Variants in MNAT1 observed in about 807,000 individuals in gnomAD.
MNAT1 encodes MNAT1 component of CDK activating kinase, also known as CDK-activating kinase assembly factor MAT1.
Under a neutral mutation model 42.0 loss-of-function variants are expected in MNAT1, and 43 were observed. The observed-to-expected ratio is 1.02, with a 90% confidence interval of 0.80 to 1.32. The LOEUF (loss-of-function observed/expected upper bound fraction) is 1.32, where lower values mean the gene tolerates loss of function less well. MNAT1 is among the 40% of genes most tolerant of loss of function. The pLI is 0.00. For synonymous variants in MNAT1, 118 were observed against 120.0 expected (o/e 0.98, Z 0.11); for missense variants, 306 against 350.4 (o/e 0.87, Z 1.01).
rs928392208 is a variant in MNAT1 at position 60,846,114 on chromosome 14, C to T, written c.687+27267C>T. Among the ~76,000 whole-genome samples the T allele has an allele frequency of 2.3e-4, 35 of 151,680 alleles. No individual in the cohort carries two copies. In the Middle Eastern group the frequency reaches 0.01, roughly 44 times the overall value. ...CGTTTCTTTTTCCTTCCTCTCTTTT[C>T]CCTCCCTCTCTTCCTTTCCTCCCCT... On this transcript the variant is annotated intron_variant, in intron 6 of 7. Transcript: ENST00000261245.
rs532125481 is a variant in MNAT1, at chr14:60,957,781, G to A, written c.810-10448G>A. Among the ~76,000 whole-genome samples the A allele has an allele frequency of 2.0e-5, 3 of 152,112 alleles. No individual in the cohort carries two copies. The East Asian group carries it at 5.8e-4, about 29-fold the overall frequency. ...AAGTAATTTACACACTACCAGTACA[G>A]TGTTAGGGTATTCTGAATTTGACTA... On this transcript the variant is annotated intron_variant, in intron 7 of 7. Coordinates refer to ENST00000261245, the MANE Select transcript of MNAT1 (RefSeq NM_002431.4).
intron 6 of MNAT1, among the ~76,000 whole-genome samples, chr14:60,819,205 C>T (rs2032807839): frequency 6.6e-6 from 1 of 152,048 alleles, no homozygotes; most frequent in Non-Finnish European, 1.5e-5. Context: ...TTCTTCTAAA[C>T]AGTCTTCTTC....
chr14:60,829,231 AT>A (rs1439421856), intron 6 of MNAT1, among the ~76,000 whole-genome samples: 6 of 152,156 alleles, frequency 3.9e-5, no homozygotes, highest in Non-Finnish European at 7.4e-5. Flanking sequence ...AAAAGACACC[AT>A]TTTGGAGACT....
chr14:60,772,256 C>T (rs573127545), intron 1 of MNAT1, among the ~76,000 whole-genome samples: 17 of 152,040 alleles, frequency 1.1e-4, no homozygotes, highest in Non-Finnish European at 1.5e-4. Flanking sequence ...GTGAGACCCC[C>T]ACATCTCTAA....
intron 6 of MNAT1, among the ~76,000 whole-genome samples, chr14:60,836,299 T>A (rs1348397779): frequency 2.6e-5 from 4 of 152,150 alleles, no homozygotes; most frequent in Non-Finnish European, 4.4e-5. Context: ...TTGTGATCCT[T>A]TGGAGGAGAA....
At chr14:60,907,588 C>T (rs1594856919) in intron 7 of MNAT1, among the ~76,000 whole-genome samples, 1 of 151,728 alleles carries the variant, frequency 6.6e-6, no homozygotes, top group Admixed American at 6.6e-5. Context: ...CAAGACCAGC[C>T]TGACCAGCAT....
intron 6 of MNAT1, among the ~76,000 whole-genome samples, chr14:60,863,625 A>G (rs964844223): frequency 2.0e-5 from 3 of 152,168 alleles, no homozygotes; most frequent in African/African-American, 7.2e-5. Flanking sequence ...AAGGAGGGCT[A>G]TAAAATTGTT....
At chr14:60,759,549 T>C (rs1163011863) in intron 1 of MNAT1, among the ~76,000 whole-genome samples, 1 of 152,208 alleles carries the variant, frequency 6.6e-6, no homozygotes, top group Non-Finnish European at 1.5e-5. Flanking sequence ...ATGGAGTTGA[T>C]GAGTAGCCAT....
intron 7 of MNAT1, among the ~76,000 whole-genome samples, chr14:60,921,271 C>T (rs184771862): frequency 5.7e-4 from 87 of 152,272 alleles, no homozygotes; most frequent in East Asian, 5.6e-3. Context: ...CTCTTGAGGT[C>T]TCTCCCAGTT....
chr14:60,891,638 A>G (rs2034846051), intron 7 of MNAT1, among the ~76,000 whole-genome samples: 1 of 152,050 alleles, frequency 6.6e-6, no homozygotes, highest in African/African-American at 2.4e-5. Flanking sequence ...GTTTTAGTAG[A>G]GACCGGGTTT....
intron 6 of MNAT1, among the ~76,000 whole-genome samples, chr14:60,840,661 T>C (rs1269149661): frequency 6.6e-6 from 1 of 152,168 alleles, no homozygotes; most frequent in African/African-American, 2.4e-5. Flanking sequence ...CAAAAATCTT[T>C]TATTAAGATT....
At chr14:60,892,073 C>G (rs1351488236) in intron 7 of MNAT1, among the ~76,000 whole-genome samples, 1 of 151,994 alleles carries the variant, frequency 6.6e-6, no homozygotes, top group East Asian at 1.9e-4. Flanking sequence ...TAAAATATGG[C>G]CTGTCCTGGA....
At chr14:60,948,684 A>G (rs2036327347) in intron 7 of MNAT1, among the ~76,000 whole-genome samples, 1 of 152,098 alleles carries the variant, frequency 6.6e-6, no homozygotes, top group African/African-American at 2.4e-5. Flanking sequence ...TTTTCTTCCT[A>G]TTAGACTTAT....
At chr14:60,857,038 G>A (rs961836826) in intron 6 of MNAT1, among the ~76,000 whole-genome samples, 18 of 152,164 alleles carry the variant, frequency 1.2e-4, no homozygotes, top group Admixed American at 9.8e-4. Flanking sequence ...TACTCCACCT[G>A]TGCTCTAAAA....
intron 7 of MNAT1, among the ~76,000 whole-genome samples, chr14:60,883,055 C>A (rs905433322): frequency 2.6e-5 from 4 of 151,886 alleles, no homozygotes; most frequent in African/African-American, 9.7e-5. Context: ...TCATCGATTT[C>A]TTCGCTTTGC....
intron 1 of MNAT1, among the ~76,000 whole-genome samples, chr14:60,770,144 T>A (rs1474907389): frequency 2.6e-5 from 4 of 152,226 alleles, no homozygotes; most frequent in African/African-American, 9.6e-5. Flanking sequence ...TCTGTTTCTG[T>A]GATTTTGACT....
At chr14:60,812,396 AT>A (rs1256933563) in intron 5 of MNAT1, among the ~76,000 whole-genome samples, 1 of 152,196 alleles carries the variant, frequency 6.6e-6, no homozygotes, top group Non-Finnish European at 1.5e-5. Context: ...TCCCTAATGT[AT>A]TCTCAGGACA....
chr14:60,753,106 C>T (rs2030171247), intron 1 of MNAT1, among the ~76,000 whole-genome samples: 1 of 152,194 alleles, frequency 6.6e-6, no homozygotes, highest in Non-Finnish European at 1.5e-5. Context: ...TATCCTAAAA[C>T]TAAATGGCTT....
At chr14:60,835,465 C>T (rs1379930153) in intron 6 of MNAT1, among the ~76,000 whole-genome samples, 1 of 152,116 alleles carries the variant, frequency 6.6e-6, no homozygotes, top group East Asian at 1.9e-4. Context: ...GCATTTGCTT[C>T]TCTGTAAAGG....
Sources: gnomAD v4.1 joint callset for allele counts (sites outside exome capture counted in the v4.1 genomes callset) on GRCh38, gnomAD v4.1.1 for gene constraint, MANE v1.5 for transcripts, NCBI Gene and HGNC (gene_info 2026-07-23, HGNC 2026-07-21) for gene names.